ANKIB1: variants seen among roughly 807,000 people sequenced by gnomAD.
ANKIB1 encodes ankyrin repeat and IBR domain containing 1.
A neutral mutation model predicts 122.1 loss-of-function variants in ANKIB1; 43 were observed. The observed-to-expected ratio is 0.35, with a 90% CI of 0.28 to 0.45. ANKIB1 has a LOEUF of 0.45. Ranked by LOEUF, ANKIB1 falls within the 20% of genes least tolerant of loss-of-function variation. The pLI is 1.00. For missense variants in ANKIB1, 992 were observed against 1,329.5 expected (o/e 0.75, Z 3.95); for synonymous variants, 390 against 442.0 (o/e 0.88, Z 1.48).
chr7:92,302,687 A>T (rs1034026136), intron 2 of ANKIB1, among the ~76,000 whole-genome samples: 4 of 152,236 alleles, frequency 2.6e-5, no homozygotes, highest in African/African-American at 9.6e-5. Flanking sequence ...TTATTAGAGC[A>T]CATGTTAATA....
chr7:92,257,387 T>G (rs1801470523), intron 1 of ANKIB1, among the ~76,000 whole-genome samples: 1 of 152,158 alleles, frequency 6.6e-6, no homozygotes, highest in South Asian at 2.1e-4. Flanking sequence ...TTTTCTATAT[T>G]TATAAGTAGA....
intron 2 of ANKIB1, among the ~76,000 whole-genome samples, chr7:92,299,019 G>A (rs1224062616): frequency 3.3e-5 from 5 of 152,178 alleles, no homozygotes; most frequent in African/African-American, 1.2e-4. Flanking sequence ...TTTACAACTA[G>A]CAATAACAAG....
intron 14 of ANKIB1, among the ~76,000 whole-genome samples, chr7:92,388,387 C>T (rs556942530): frequency 6.6e-6 from 1 of 152,180 alleles, no homozygotes; most frequent in Non-Finnish European, 1.5e-5. Context: ...GCAAGATACA[C>T]GTGCTACCCA....
In ANKIB1 at chr7:92,398,953, G is replaced by A; in HGVS notation, c.*4G>A. On this transcript the variant is annotated 3_prime_UTR_variant, in exon 20 of 20. Transcript: ENST00000265742. ...TGAACAAGTACATTTAGTGTGAACT[G>A]CACACATCTGGGCTCTAAATGAATT... The A allele has an allele frequency of 6.4e-7, 1 of 1,554,482 alleles. No individual in the cohort carries two copies. The highest frequency in any genetic ancestry group is 8.7e-7 in the Non-Finnish European group (1 of 1,150,076).
chr7:92,318,656 A>AGG (rs1802841738), intron 3 of ANKIB1, among the ~76,000 whole-genome samples: 1 of 152,196 alleles, frequency 6.6e-6, no homozygotes, highest in Non-Finnish European at 1.5e-5. Flanking sequence ...AACATACTTA[A>AGG]TTTCTGCAAA....
Position 92,298,891 on chromosome 7 carries a change from AGG to A in ANKIB1, c.188+3726_188+3727del, listed in dbSNP as rs535958421. Among the ~76,000 whole-genome samples, 209 of 152,346 alleles carry A rather than the reference AGG, an allele frequency of 1.4e-3. 1 individual carries two copies. Among genetic ancestry groups the A allele is most frequent in the African/African-American group, 4.7e-3 (197 of 41,576 alleles). ...TTTTTAATATTCTGTGACAACTTCA[AGG>A]TATGCATAAAGCATTTCTGCTACAT... On this transcript the variant is annotated intron_variant, in intron 2 of 19. Coordinates refer to ENST00000265742, the MANE Select transcript of ANKIB1 (RefSeq NM_019004.2).
rs1406531401 is a variant in ANKIB1, at chr7:92,400,338, G to A, written c.*1389G>A. 6.6e-6 allele frequency: 1 copy of A among 152,138 alleles called. No homozygotes were observed. Among genetic ancestry groups the A allele is most frequent in the Admixed American group, 6.5e-5 (1 of 15,270 alleles). The allele number at this position is 152,138 out of a possible 1,614,324, so 9.4% of individuals were successfully genotyped here. On this transcript the variant is annotated 3_prime_UTR_variant, in exon 20 of 20. Coordinates refer to ENST00000265742, the MANE Select transcript of ANKIB1 (RefSeq NM_019004.2). ...TCTTAGTTGTAATTAGGATACAATGGTACAGTGTGTAATTAAAACTAGAGT... is the reference window on the plus strand; with the variant it reads ...TCTTAGTTGTAATTAGGATACAATGATACAGTGTGTAATTAAAACTAGAGT...
intron 1 of ANKIB1, among the ~76,000 whole-genome samples, chr7:92,281,001 C>T (rs1051056269): frequency 1.3e-5 from 2 of 152,186 alleles, no homozygotes; most frequent in Admixed American, 6.5e-5. Flanking sequence ...CAGGACTCAG[C>T]GTGTAGTTTA....
chr7:92,285,335 G>A (rs972691489), intron 1 of ANKIB1, among the ~76,000 whole-genome samples: 2 of 152,114 alleles, frequency 1.3e-5, no homozygotes, highest in Non-Finnish European at 2.9e-5. Context: ...AGATTTAAAC[G>A]TAGTTCTTTC....
Position 92,283,443 on chromosome 7 carries a change from A to G in ANKIB1, c.-90-11446A>G, listed in dbSNP as rs370721116. Among the ~76,000 whole-genome samples the G allele has an allele frequency of 3.2e-4, 48 of 152,290 alleles. 1 individual carries two copies. The highest frequency in any genetic ancestry group is 9.9e-4 in the African/African-American group (41 of 41,566). The stretch of plus-strand genomic sequence containing the variant: ...TATGCAGTTTGGTAAGCTAGGCCCC[A>G]AATCTCCTAAATCAGACTTCATTTT... On this transcript the variant is annotated intron_variant, in intron 1 of 19. Transcript: ENST00000265742.
chr7:92,267,026 T>C (rs1171096152), intron 1 of ANKIB1, among the ~76,000 whole-genome samples: 3 of 152,180 alleles, frequency 2.0e-5, no homozygotes, highest in African/African-American at 7.2e-5. Flanking sequence ...CTGCTGATCT[T>C]GATAAACAGT....
At chr7:92,375,506 G>T (rs963426858) in intron 11 of ANKIB1, among the ~76,000 whole-genome samples, 1 of 152,232 alleles carries the variant, frequency 6.6e-6, no homozygotes, top group African/African-American at 2.4e-5. Context: ...TTGCTTATCC[G>T]TAAGAAACAA....
intron 1 of ANKIB1, among the ~76,000 whole-genome samples, chr7:92,267,521 A>G (rs187612635): frequency 1.3e-5 from 2 of 152,322 alleles, no homozygotes; most frequent in African/African-American, 4.8e-5. Flanking sequence ...CCTAAATGAT[A>G]TATATACTCC....
At chr7:92,269,495 G>A (rs1307337123) in intron 1 of ANKIB1, among the ~76,000 whole-genome samples, 1 of 152,216 alleles carries the variant, frequency 6.6e-6, no homozygotes, top group Non-Finnish European at 1.5e-5. Flanking sequence ...CTCAGTAACA[G>A]CATCTGAATT....
chr7:92,341,217 C>T (rs574870711), intron 5 of ANKIB1, among the ~76,000 whole-genome samples: 2 of 150,500 alleles, frequency 1.3e-5, no homozygotes, highest in South Asian at 2.1e-4. Flanking sequence ...GGCTGAGGCA[C>T]GAGAATCTCT....
intron 1 of ANKIB1, among the ~76,000 whole-genome samples, chr7:92,283,144 G>A (rs1585087015): frequency 6.6e-6 from 1 of 152,092 alleles, no homozygotes; most frequent in Admixed American, 6.5e-5. Flanking sequence ...ACCTCAGACA[G>A]CCAAACTGCC....
At chr7:92,387,742 CTA>C (rs1396246001) in intron 12 of ANKIB1, 54 bp from the exon 13 acceptor site, 45 of 1,364,422 alleles carry the variant, frequency 3.3e-5, no homozygotes, top group Non-Finnish European at 7.1e-6. Flanking sequence ...CCCCAAAAAA[CTA>C]TTTTAGTAGC....
chr7:92,356,183 A>G lies in ANKIB1; in HGVS notation c.1397+3541A>G, dbSNP rs546880869. ...ATTCAGAGCAGTAGTTGCATGCATCATCTCCCTCTGCACAGACCTCACAGG... is the reference window on the plus strand; with the variant it reads ...ATTCAGAGCAGTAGTTGCATGCATCGTCTCCCTCTGCACAGACCTCACAGG... On this transcript the variant is annotated intron_variant, in intron 9 of 19. Transcript: ENST00000265742. 5.9e-5 allele frequency among the ~76,000 whole-genome samples: 9 copies of G among 152,272 alleles called. No homozygotes were observed. In the South Asian group the frequency reaches 1.7e-3, roughly 28 times the overall value.
At chr7:92,252,242 C>G (rs912477427) in intron 1 of ANKIB1, among the ~76,000 whole-genome samples, 1 of 152,132 alleles carries the variant, frequency 6.6e-6, no homozygotes, top group Non-Finnish European at 1.5e-5. Flanking sequence ...TATCCTGTTT[C>G]TCATCAACCC....
Sources: allele counts gnomAD v4.1 joint callset (sites outside exome capture counted in the v4.1 genomes callset), GRCh38; gene constraint gnomAD v4.1.1; transcripts MANE v1.5; gene names NCBI Gene and HGNC (gene_info 2026-07-23, HGNC 2026-07-21).